The following DAB2IP variants were observed in gnomAD, a reference collection of about 807,000 sequenced individuals.
The protein encoded by DAB2IP is DAB2 interacting protein.
A neutral mutation model predicts 107.2 loss-of-function variants in DAB2IP; 28 were observed. The observed-to-expected ratio is 0.26, with a 90% CI of 0.19 to 0.36. The LOEUF (loss-of-function observed/expected upper bound fraction) is 0.36, where lower values mean the gene tolerates loss of function less well. Among genes scored for constraint, DAB2IP ranks in the 10% least tolerant of loss-of-function variants. The probability of loss-of-function intolerance (pLI) is 1.00; values close to 1 mark genes in which losing one functional copy is unlikely to be tolerated. For synonymous variants in DAB2IP, 755 were observed against 706.4 expected (o/e 1.07, Z -1.09); for missense variants, 1,400 against 1,644.7 (o/e 0.85, Z 2.57).
intron 1 of DAB2IP, among the ~76,000 whole-genome samples, chr9:121,657,245 G>A (rs954688411): frequency 5.9e-5 from 9 of 152,196 alleles, no homozygotes; most frequent in African/African-American, 1.9e-4. Context: ...GTCCCCTGGT[G>A]TGAGGTCCCT....
chr9:121,770,526 C>G lies in DAB2IP; in HGVS notation c.1900-20C>G, dbSNP rs767806777. On this transcript the variant is annotated intron_variant, in intron 10 of 15. Coordinates refer to ENST00000408936, the Ensembl canonical transcript of DAB2IP. ...TGTGGTCCCAGGAGGTCACACCTGC[C>G]TCTTGCTGTGCCTTTACAGAGCATA... 1.9e-6 allele frequency: 3 copies of G among 1,608,204 alleles called. No homozygotes were observed. Among genetic ancestry groups the G allele is most frequent in the Non-Finnish European group, 2.6e-6 (3 of 1,175,546 alleles).
chr9:121,695,481 A>T (rs1829374022), intron 2 of DAB2IP, among the ~76,000 whole-genome samples: 1 of 152,152 alleles, frequency 6.6e-6, no homozygotes, highest in African/African-American at 2.4e-5. Flanking sequence ...ACACATAGGG[A>T]CACTGAGGTT....
chr9:121,773,585 T>TCACCTCCACCCTCACCCAG (rs1468782702), intron 12 of DAB2IP, 90 bp downstream of exon 12: 1 of 1,316,456 alleles, frequency 7.6e-7, no homozygotes, highest in African/African-American at 1.5e-5. Flanking sequence ...CTCGGTCATT[T>TCACCTCCACCCTCACCCAG]CACCTCCACC....
chr9:121,580,584 G>A (rs542388067), intron 1 of DAB2IP, among the ~76,000 whole-genome samples: 1 of 152,152 alleles, frequency 6.6e-6, no homozygotes, highest in East Asian at 1.9e-4. Context: ...AACCACAGGG[G>A]AAAGGCCTGG....
intron 3 of DAB2IP, among the ~76,000 whole-genome samples, chr9:121,718,352 C>T (rs1434437522): frequency 2.0e-5 from 3 of 152,174 alleles, no homozygotes; most frequent in Non-Finnish European, 4.4e-5. Flanking sequence ...GCTTGCACAC[C>T]CCCATGTGTG....
intron 1 of DAB2IP, among the ~76,000 whole-genome samples, chr9:121,639,399 G>A (rs979062431): frequency 2.0e-5 from 3 of 152,180 alleles, no homozygotes; most frequent in African/African-American, 7.2e-5. Flanking sequence ...AGATGGGACC[G>A]TGTCCCTCTC....
chr9:121,754,541 G>A (rs1045595067), intron 3 of DAB2IP, among the ~76,000 whole-genome samples: 6 of 152,314 alleles, frequency 3.9e-5, no homozygotes, highest in East Asian at 3.9e-4. Flanking sequence ...CCAGGGAAGC[G>A]GGGAGGGTCA....
chr9:121,757,133 C>T, exon 4 of DAB2IP: 1 of 1,614,200 alleles, frequency 6.2e-7, no homozygotes, highest in Non-Finnish European at 8.5e-7. Context: ...AGCCCGTGCA[C>T]AGCAGCATCC....
At position 121,594,315 on chromosome 9, in the gene DAB2IP, G is replaced by A. The variant is rs145523554; in HGVS notation, c.40+27087G>A. Among the ~76,000 whole-genome samples, 548 of 149,230 alleles carry A rather than the reference G, an allele frequency of 3.7e-3. 4 individuals carry two copies. The highest frequency in any genetic ancestry group is 0.013 in the African/African-American group (525 of 40,324). On this transcript the variant is annotated intron_variant, in intron 1 of 16. Coordinates refer to the DAB2IP transcript ENST00000259371. ...GCAAATGGTGCGATCTTGGCTCACT[G>A]CAACCTTCACTTCCCAGGTTCAAGG... is the stretch of plus-strand genomic sequence containing the variant.
At chr9:121,748,452 T>A (rs371985474) in intron 3 of DAB2IP, among the ~76,000 whole-genome samples, 6 of 152,330 alleles carry the variant, frequency 3.9e-5, no homozygotes, top group Middle Eastern at 3.4e-3. Flanking sequence ...TCCCTGTCTC[T>A]AAGCCTCAGT....
At chr9:121,763,383 C>T in intron 6 of DAB2IP, 122 bp from the exon 7 acceptor site, 2 of 1,371,906 alleles carry the variant, frequency 1.5e-6, no homozygotes, top group African/African-American at 1.5e-5. Flanking sequence ...CTCCGGGACC[C>T]CCGCAGCTTG....
chr9:121,760,509 T>C lies in DAB2IP; in HGVS notation c.1170+70T>C. ...ACTGGGTTACCTGCCCTTCCTCACA[T>C]CCGTACATTTCAGGCCTAACAGAGG... On this transcript the variant is annotated intron_variant, in intron 6 of 15. Transcript: ENST00000408936. This position sits in a 1 kb window ranked among gnomAD's most constrained non-coding sequence, Gnocchi z 5.9. The C allele has an allele frequency of 6.8e-7, 1 of 1,469,202 alleles. No homozygotes were observed. The highest frequency in any genetic ancestry group is 9.0e-7 in the Non-Finnish European group (1 of 1,112,628). The allele number at this position is 1,469,202 out of a possible 1,614,324, so 91.0% of individuals were successfully genotyped here.
intron 3 of DAB2IP, among the ~76,000 whole-genome samples, chr9:121,741,271 T>C (rs973837842): frequency 6.6e-6 from 1 of 152,166 alleles, no homozygotes; most frequent in African/African-American, 2.4e-5. Flanking sequence ...AACAGGCGTG[T>C]AGGGTGGCCC....
chr9:121,576,587 T>C (rs1247359353), intron 1 of DAB2IP, among the ~76,000 whole-genome samples: 2 of 152,182 alleles, frequency 1.3e-5, no homozygotes, highest in East Asian at 3.9e-4. Flanking sequence ...GCTTTACTGT[T>C]TGTCCCCATC....
chr9:121,703,789 C>G (rs1329250938), intron 3 of DAB2IP, among the ~76,000 whole-genome samples: 1 of 152,160 alleles, frequency 6.6e-6, no homozygotes, highest in Non-Finnish European at 1.5e-5. Context: ...TGGTAAGCCT[C>G]AGTTTTCTCA....
chr9:121,713,717 T>C (rs996429120), intron 3 of DAB2IP, among the ~76,000 whole-genome samples: 8 of 152,136 alleles, frequency 5.3e-5, no homozygotes, highest in African/African-American at 1.9e-4. Context: ...GCAGCTGGGC[T>C]TAGAGGCTGC....
chr9:121,607,987 A>C (rs1465484979), intron 1 of DAB2IP, among the ~76,000 whole-genome samples: 3 of 152,248 alleles, frequency 2.0e-5, no homozygotes, highest in African/African-American at 7.2e-5. Flanking sequence ...TTCCCGGCAG[A>C]GGGAACGCAA....
chr9:121,624,594 C>T (rs1171617499), intron 1 of DAB2IP, among the ~76,000 whole-genome samples: 2 of 152,186 alleles, frequency 1.3e-5, no homozygotes, highest in Non-Finnish European at 2.9e-5. Flanking sequence ...TGAATATTTA[C>T]AATTGTATTG....
upstream of DAB2IP, chr9:121,651,571 C>T: frequency 1.2e-6 from 1 of 852,282 alleles, no homozygotes; most frequent in Non-Finnish European, 1.4e-6. This position sits in a 1 kb window ranked among gnomAD's most constrained non-coding sequence, Gnocchi z 5.1. Context: ...GTCCCCAGCC[C>T]CCGCCGCGGG....
Sources: gnomAD v4.1 joint callset for allele counts (sites outside exome capture counted in the v4.1 genomes callset) on GRCh38, gnomAD v4.1.1 for gene constraint, Gnocchi (gnomAD v3.1) non-coding constraint, MANE v1.5 for transcripts, NCBI Gene and HGNC (gene_info 2026-07-23, HGNC 2026-07-21) for gene names.